Variants in CACNA1E observed in about 807,000 individuals in gnomAD.
CACNA1E encodes voltage-dependent R-type calcium channel subunit alpha-1E.
In CACNA1E, 40 loss-of-function variants were observed where a neutral mutation model predicts 259.2. The observed-to-expected ratio is 0.15, with a 90% CI of 0.12 to 0.20. The LOEUF is 0.20. Among genes scored for constraint, CACNA1E ranks in the 10% least tolerant of loss-of-function variants. The pLI, the probability that CACNA1E is intolerant of heterozygous loss-of-function variation, is 1.00. For missense variants in CACNA1E, 1,874 were observed against 3,040.1 expected (o/e 0.62, Z 9.02); for synonymous variants, 1,104 against 1,138.5 (o/e 0.97, Z 0.61).
At chr1:181,328,261 G>A (rs1650956241) in intron 1 of CACNA1E, among the ~76,000 whole-genome samples, 1 of 152,084 alleles carries the variant, frequency 6.6e-6, no homozygotes, top group Non-Finnish European at 1.5e-5. Context: ...GAAAGGTAAG[G>A]AGCTCTCTGG....
Position 181,700,396 on chromosome 1 carries a change from T to C in CACNA1E, c.1056-10558T>C, listed in dbSNP as rs556091488. On this transcript the variant is annotated intron_variant, in intron 7 of 47. Coordinates refer to ENST00000367573, the MANE Select transcript of CACNA1E (RefSeq NM_001205293.3). ...TTGTTCCCAAATCTGAACTGCTTCT[T>C]GTCTGGTGGCTGCCCGTAGTGTGTG... is the stretch of plus-strand genomic sequence containing the variant. 4.6e-5 allele frequency among the ~76,000 whole-genome samples: 7 copies of C among 152,298 alleles called. No homozygotes were observed. In the East Asian group the frequency reaches 1.2e-3, roughly 25 times the overall value.
At chr1:181,320,801 C>G (rs3894266) in intron 1 of CACNA1E, among the ~76,000 whole-genome samples, 76,080 of 151,980 alleles carry the variant, frequency 0.5, 19,986 homozygotes, top group East Asian at 0.81. Flanking sequence ...GTCCTTAACT[C>G]ATGTTACCCC....
intron 1 of CACNA1E, among the ~76,000 whole-genome samples, chr1:181,348,936 G>A (rs1652820242): frequency 6.6e-6 from 1 of 152,170 alleles, no homozygotes; most frequent in Non-Finnish European, 1.5e-5. Flanking sequence ...CAGTGGTAGG[G>A]GCAGGACTGG....
At chr1:181,479,835 G>A (rs914090763), upstream of CACNA1E, among the ~76,000 whole-genome samples, 1 of 152,226 alleles carries the variant, frequency 6.6e-6, no homozygotes, top group Non-Finnish European at 1.5e-5. Context: ...CTTATCAGAT[G>A]TGGGCAAACG....
At chr1:181,518,635 A>G (rs1373681351) in intron 3 of CACNA1E, among the ~76,000 whole-genome samples, 1 of 152,206 alleles carries the variant, frequency 6.6e-6, no homozygotes, top group Non-Finnish European at 1.5e-5. Context: ...GTTGATGGGC[A>G]GCTGAGTTGG....
intron 38 of CACNA1E, among the ~76,000 whole-genome samples, chr1:181,780,902 T>G (rs1029724932): frequency 4.6e-5 from 7 of 152,042 alleles, no homozygotes; most frequent in African/African-American, 1.7e-4. Context: ...TGCCTGTGGG[T>G]TCAGTGGAGA....
chr1:181,484,936 T>C (rs576235208), intron 1 of CACNA1E, among the ~76,000 whole-genome samples: 53 of 152,334 alleles, frequency 3.5e-4, no homozygotes, highest in African/African-American at 1.3e-3. Flanking sequence ...TGAACAGGCA[T>C]GGAAGGAGCT....
Position 181,796,741 on chromosome 1 carries a change from T to A in CACNA1E, c.6282T>A (p.Ser2094=), listed in dbSNP as rs778437904. ...CAAAAGAGCGAAAGCATCTTCTCTC[T>A]CCTGATGTCTCCCGCTGCAATTCAG... The part of the protein sequence containing the change: ...GRSKERKHLL[S]PDVSRCNSEE... The change falls in exon 47 of 48, where the codon TCT becomes TCA. Residue 2094 remains serine, a synonymous_variant. Transcript: ENST00000367573. 6.2e-7 allele frequency: 1 copy of A among 1,613,514 alleles called. No homozygotes were observed. The highest frequency in any genetic ancestry group is 8.5e-7 in the Non-Finnish European group (1 of 1,179,676).
intron 24 of CACNA1E, 76 bp downstream of exon 24, chr1:181,738,502 C>A: frequency 1.7e-6 from 2 of 1,193,008 alleles, no homozygotes; most frequent in South Asian, 1.2e-5. Context: ...TAGAGCCCTT[C>A]CTCAGTGTTA....
chr1:181,352,409 T>C (rs1340953653), intron 1 of CACNA1E, among the ~76,000 whole-genome samples: 2 of 152,264 alleles, frequency 1.3e-5, no homozygotes, highest in Middle Eastern at 3.4e-3. Context: ...TGGTAGGTTT[T>C]AAGAATTGAT....
chr1:181,736,151 C>A lies in CACNA1E; in HGVS notation c.3263-124C>A, dbSNP rs561517946. On this transcript the variant is annotated intron_variant, in intron 21 of 47. Coordinates refer to ENST00000367573, the MANE Select transcript of CACNA1E (RefSeq NM_001205293.3). ...GTAAATACCCCCAGTGCCTGCAGGGCACCTTGTTAGGGACATCCCTGGAGC... is the reference window on the plus strand; with the variant it reads ...GTAAATACCCCCAGTGCCTGCAGGGAACCTTGTTAGGGACATCCCTGGAGC... 5.8e-5 allele frequency: 66 copies of A among 1,137,466 alleles called. No homozygotes were observed. The African/African-American group carries it at 1.0e-3, about 18-fold the overall frequency. The allele number at this position is 1,137,466 out of a possible 1,614,324, so 70.5% of individuals were successfully genotyped here. A position where few individuals can be genotyped will look rare whatever the true frequency, so the allele number is the denominator to read the frequency against.
chr1:181,660,443 G>A (rs1647533894), intron 7 of CACNA1E, among the ~76,000 whole-genome samples: 2 of 152,160 alleles, frequency 1.3e-5, no homozygotes, highest in South Asian at 4.1e-4. Flanking sequence ...CCTCCCCAAA[G>A]CTAATTTTTT....
At chr1:181,318,394 C>T (rs534853302) in intron 1 of CACNA1E, among the ~76,000 whole-genome samples, 1 of 152,356 alleles carries the variant, frequency 6.6e-6, no homozygotes, top group Non-Finnish European at 1.5e-5. Flanking sequence ...CGCCCCCGCG[C>T]TCTTTGGCAC....
At chr1:181,326,210 T>A (rs1018167589) in intron 1 of CACNA1E, among the ~76,000 whole-genome samples, 7 of 152,234 alleles carry the variant, frequency 4.6e-5, no homozygotes, top group Non-Finnish European at 1.0e-4. Flanking sequence ...GTTTTATAGA[T>A]GAGCAGAAAG....
chr1:181,369,464 G>A (rs1381061579), intron 1 of CACNA1E, among the ~76,000 whole-genome samples: 1 of 152,206 alleles, frequency 6.6e-6, no homozygotes, highest in Non-Finnish European at 1.5e-5. Context: ...AGCTCAAAAG[G>A]CAACATCACA....
intron 2 of CACNA1E, among the ~76,000 whole-genome samples, chr1:181,460,377 T>G (rs1661725097): frequency 6.6e-6 from 1 of 152,076 alleles, no homozygotes; most frequent in East Asian, 1.9e-4. Flanking sequence ...GCCTGTGTGT[T>G]TGTGAAGGGC....
chr1:181,586,873 G>A (rs1331744664), intron 6 of CACNA1E, among the ~76,000 whole-genome samples: 2 of 152,226 alleles, frequency 1.3e-5, no homozygotes, highest in Non-Finnish European at 2.9e-5. Context: ...ATTTCAGAGA[G>A]CAATGGAAAC....
chr1:181,725,658 G>T (rs1002896662), intron 17 of CACNA1E, among the ~76,000 whole-genome samples: 1 of 152,218 alleles, frequency 6.6e-6, no homozygotes, highest in Non-Finnish European at 1.5e-5. Context: ...TTTACTTGGC[G>T]GGGTCCTTGC....
Position 181,503,889 on chromosome 1 carries a change from T to C in CACNA1E, c.267-6588T>C, listed in dbSNP as rs117228425. On this transcript the variant is annotated intron_variant, in intron 1 of 47. Coordinates refer to ENST00000367573, the MANE Select transcript of CACNA1E (RefSeq NM_001205293.3). ...CCTTTACCAAGCTACATTTTTTCCA[T>C]TGCATTCCAGGTCTTGAAGAAGATT... 1.9e-4 allele frequency among the ~76,000 whole-genome samples: 29 copies of C among 152,306 alleles called. No individual in the cohort carries two copies. In the East Asian group the frequency reaches 5.0e-3, roughly 26 times the overall value.
Sources: gnomAD v4.1 joint callset for allele counts (sites outside exome capture counted in the v4.1 genomes callset) on GRCh38, gnomAD v4.1.1 for gene constraint, MANE v1.5 for transcripts, NCBI Gene and HGNC (gene_info 2026-07-23, HGNC 2026-07-21) for gene names.